GCDH: variants seen among roughly 807,000 people sequenced by gnomAD.
GCDH encodes the protein glutaryl-CoA dehydrogenase.
Under a neutral mutation model 52.8 loss-of-function variants are expected in GCDH, and 31 were observed. That is an observed-to-expected ratio of 0.59 (90% CI 0.44 to 0.79). The LOEUF (loss-of-function observed/expected upper bound fraction) is 0.79. Ranked by LOEUF, GCDH falls within the 30% of genes least tolerant of loss-of-function variation. GCDH has a pLI of 0.00. For synonymous variants in GCDH, 242 were observed against 250.0 expected (o/e 0.97, Z 0.30); for missense variants, 509 against 595.0 (o/e 0.86, Z 1.50).
In GCDH at chr19:12,891,832, C is replaced by T. The variant is rs144678094; in HGVS notation, c.129C>T (p.Ser43=). The T allele has an allele frequency of 7.4e-6, 12 of 1,613,978 alleles. No individual in the cohort carries two copies. The highest frequency in any genetic ancestry group is 1.7e-4 in the Middle Eastern group (1 of 5,930). ...ACCGAGGCGAATTCCCCTTCCCAGC[C>T]TCGCGTCCCGAGTTTGACTGGCAGG... The part of the protein sequence containing the change: ...GGRTQSQLAK[S]SRPEFDWQDP... Residue 43 remains serine, a splice_region_variant and synonymous_variant, in exon 4 of 12, where the codon TCC becomes TCT. Coordinates refer to ENST00000222214, the MANE Select transcript of GCDH (RefSeq NM_000159.4).
rs967065858 is a variant in GCDH at position 12,899,667 on chromosome 19, T to C, written c.*126T>C. 1 of 1,612,180 alleles carries C rather than the reference T, an allele frequency of 6.2e-7. No individual in the cohort carries two copies. The highest frequency in any genetic ancestry group is 8.5e-7 in the Non-Finnish European group (1 of 1,179,078). ...GGATGGAGTGGGAAGTGAGAGACAC[T>C]GATTTTTAAATATCAAAATTTCCCT... is the stretch of plus-strand genomic sequence containing the variant. On this transcript the variant is annotated 3_prime_UTR_variant, in exon 12 of 12. Coordinates refer to ENST00000222214, the MANE Select transcript of GCDH (RefSeq NM_000159.4).
At position 12,899,510 on chromosome 19, in the gene GCDH, C is replaced by T. The variant is rs745360675; in HGVS notation, c.1286C>T (p.Thr429Met). 4.3e-6 allele frequency: 7 copies of T among 1,614,158 alleles called. No individual in the cohort carries two copies. Among genetic ancestry groups the T allele is most frequent in the South Asian group, 2.2e-5 (2 of 91,082 alleles). Residue 429 changes from threonine to methionine, a missense_variant, in exon 12 of 12, where the codon ACG (threonine) becomes ATG (methionine). By Grantham distance (81) the Thr-to-Met change is moderately conservative. Coordinates refer to ENST00000222214, the MANE Select transcript of GCDH (RefSeq NM_000159.4). ...IHALILGRAI[T>M]GIQAFTASK ...GCCCTGATCCTTGGGAGAGCTATCA[C>T]GGGAATCCAGGCGTTCACGGCCAGC...
chr19:12,893,080 T>A (rs138113841), intron 5 of GCDH, among the ~76,000 whole-genome samples: 2,996 of 151,834 alleles, frequency 0.02, 45 homozygotes, highest in Middle Eastern at 0.065. Flanking sequence ...AGAAATGGGA[T>A]TTCACCATGT....
Position 12,892,150 on chromosome 19 carries a change from G to T in GCDH, c.306G>T (p.Glu102Asp). 7 of 1,614,200 alleles carry T rather than the reference G, an allele frequency of 4.3e-6. No homozygotes were observed. Among genetic ancestry groups the T allele is most frequent in the Non-Finnish European group, 5.9e-6 (7 of 1,180,026 alleles). Residue 102 changes from glutamate to aspartate, a missense_variant, in exon 5 of 12, where the codon GAG (glutamate) becomes GAT (aspartate). By Grantham distance (45) the Glu-to-Asp change is conservative. Transcript: ENST00000222214. ...GGGAGATCATTTCGGAGATGGGGGAGTTGGGTGTGCTGGGCCCCACCATCA... is the reference window on the plus strand; with the variant it reads ...GGGAGATCATTTCGGAGATGGGGGATTTGGGTGTGCTGGGCCCCACCATCA... The part of the protein sequence containing the change: ...FHREIISEMG[E>D]LGVLGPTIKG...
Position 12,896,140 on chromosome 19 carries a change from G to T in GCDH, c.635+19G>T. On this transcript the variant is annotated intron_variant, in intron 7 of 11. Coordinates refer to ENST00000222214, the MANE Select transcript of GCDH (RefSeq NM_000159.4). The surrounding 1 kb of genome is among the most constrained non-coding windows in gnomAD (Gnocchi z 5.5). Reference sequence around the variant, plus strand: ...AGACCTGGTAAGGGTTCTGGGTGGTGGGCAGGTGGTGAACAGGGGCAAAGG... The same window carrying T: ...AGACCTGGTAAGGGTTCTGGGTGGTTGGCAGGTGGTGAACAGGGGCAAAGG... 6.2e-7 allele frequency: 1 copy of T among 1,614,122 alleles called. No homozygotes were observed. Among genetic ancestry groups the T allele is most frequent in the Non-Finnish European group, 8.5e-7 (1 of 1,180,028 alleles).
rs1242027845 is a variant in GCDH at position 12,899,652 on chromosome 19, G to A, written c.*111G>A. 6.2e-7 allele frequency: 1 copy of A among 1,612,430 alleles called. No homozygotes were observed. The highest frequency in any genetic ancestry group is 1.7e-5 in the Admixed American group (1 of 59,970). On this transcript the variant is annotated 3_prime_UTR_variant, in exon 12 of 12. Coordinates refer to ENST00000222214, the MANE Select transcript of GCDH (RefSeq NM_000159.4). ...AGAAAGGGAGGTGGCGGATGGAGTG[G>A]GAAGTGAGAGACACTGATTTTTAAA...
chr19:12,892,632 G>T (rs532541798), intron 5 of GCDH, among the ~76,000 whole-genome samples: 1 of 151,946 alleles, frequency 6.6e-6, no homozygotes, highest in South Asian at 2.1e-4. Flanking sequence ...GTCCAGGCTG[G>T]AGTGCAGTGA....
chr19:12,899,514 A>T lies in GCDH; in HGVS notation c.1290A>T (p.Gly430=), dbSNP rs1050007480. The T allele has an allele frequency of 4.3e-6, 7 of 1,614,062 alleles. No homozygotes were observed. The African/African-American group carries it at 5.3e-5, about 12-fold the overall frequency. Residue 430 remains glycine, a synonymous_variant, in exon 12 of 12, where the codon GGA becomes GGT. Transcript: ENST00000222214. ...TGATCCTTGGGAGAGCTATCACGGG[A>T]ATCCAGGCGTTCACGGCCAGCAAGT... ...HALILGRAIT[G]IQAFTASK
At chr19:12,897,231 G>A (rs966157693) in intron 9 of GCDH, 72 bp from the exon 10 acceptor site, 3 of 1,588,768 alleles carry the variant, frequency 1.9e-6, no homozygotes, top group Admixed American at 3.4e-5. Context: ...TCCTGGAGCA[G>A]GGGGCCCCAG....
chr19:12,896,157 G>A lies in GCDH; in HGVS notation c.635+36G>A. The A allele has an allele frequency of 1.2e-6, 2 of 1,614,088 alleles. No individual in the cohort carries two copies. Among genetic ancestry groups the A allele is most frequent in the Non-Finnish European group, 1.7e-6 (2 of 1,180,002 alleles). ...TGGGTGGTGGGCAGGTGGTGAACAG[G>A]GGCAAAGGGGCACTGGTCAGACCCC... On this transcript the variant is annotated intron_variant, in intron 7 of 11. Coordinates refer to ENST00000222214, the MANE Select transcript of GCDH (RefSeq NM_000159.4). This position sits in a 1 kb window ranked among gnomAD's most constrained non-coding sequence, Gnocchi z 5.5.
intron 5 of GCDH, 87 bp downstream of exon 5, chr19:12,892,265 C>T (rs1358772245): frequency 3.6e-6 from 4 of 1,116,444 alleles, no homozygotes; most frequent in Non-Finnish European, 5.5e-6. Context: ...TTCTTCCTTC[C>T]TTCTCTTTCT....
At chr19:12,891,712 C>A in intron 3 of GCDH, 119 bp from the exon 4 acceptor site, 2 of 1,605,914 alleles carry the variant, frequency 1.2e-6, no homozygotes, top group South Asian at 1.1e-5. Context: ...ATCAGTCTCG[C>A]TTGCAGCTCG....
Position 12,896,887 on chromosome 19 carries a change from G to A in GCDH, c.853-23G>A. 6.4e-7 allele frequency: 1 copy of A among 1,572,742 alleles called. No individual in the cohort carries two copies. The highest frequency in any genetic ancestry group is 8.7e-7 in the Non-Finnish European group (1 of 1,143,418). On this transcript the variant is annotated intron_variant, in intron 8 of 11. Transcript: ENST00000222214. The surrounding 1 kb of genome is among the most constrained non-coding windows in gnomAD (Gnocchi z 5.5). ...CTCTTGGTGTCTCTTGGGTGGGCCT[G>A]AGGCGCCATCTCAACCCTACAGGGT...
At position 12,892,098 on chromosome 19, in the gene GCDH, G is replaced by A; in HGVS notation, c.272-18G>A. The A allele has an allele frequency of 6.2e-7, 1 of 1,614,076 alleles. No homozygotes were observed. Among genetic ancestry groups the A allele is most frequent in the South Asian group, 1.1e-5 (1 of 91,082 alleles). ...GGCCTAGGCCTGGGCCTGAATTTGG[G>A]CACTGGTCCCTTTGCAGTTTTTCAT... is the stretch of plus-strand genomic sequence containing the variant. On this transcript the variant is annotated intron_variant, in intron 4 of 11. Coordinates refer to ENST00000222214, the MANE Select transcript of GCDH (RefSeq NM_000159.4).
At chr19:12,897,193 G>C in intron 9 of GCDH, 110 bp from the exon 10 acceptor site, 1 of 1,417,250 alleles carries the variant, frequency 7.1e-7, no homozygotes, top group Non-Finnish European at 9.8e-7. Flanking sequence ...GGGCAAGCTT[G>C]GGGGCACTGA....
At chr19:12,892,022 A>G (rs765809287) in intron 4 of GCDH, 48 bp downstream of exon 4, 12 of 1,613,674 alleles carry the variant, frequency 7.4e-6, no homozygotes, top group Non-Finnish European at 1.0e-5. Flanking sequence ...GCCTGGAGCC[A>G]TAGCCACCCC....
rs794726972 is a variant in GCDH at position 12,897,343 on chromosome 19, C to T, written c.997C>T (p.Gln333Ter). The T allele has an allele frequency of 6.2e-7, 1 of 1,613,718 alleles. No homozygotes were observed. Among genetic ancestry groups the T allele is most frequent in the African/African-American group, 1.3e-5 (1 of 74,908 alleles). The change falls in exon 10 of 12, where the codon CAG (glutamine) becomes TAG (stop). Residue 333 changes from glutamine (Q) to a stop codon, truncating the protein, a stop_gained. Coordinates refer to ENST00000222214, the MANE Select transcript of GCDH (RefSeq NM_000159.4). LOFTEE classifies it high-confidence loss of function. ...GVPLARNQLI[Q>*]KKLADMLTEI... ...CCCACTGGCCAGGAACCAGCTGATT[C>T]AGAAGAAGCTGGCAGACATGCTCAC...
intron 9 of GCDH, 130 bp from the exon 10 acceptor site, chr19:12,897,173 G>A (rs1194695842): frequency 3.0e-6 from 4 of 1,316,146 alleles, no homozygotes; most frequent in East Asian, 2.5e-5. Context: ...CTGAGTCAAC[G>A]GCAGGGCCAG....
At chr19:12,894,640 T>C in intron 6 of GCDH, 2 of 748,478 alleles carry the variant, frequency 2.7e-6, no homozygotes, top group Non-Finnish European at 2.2e-6. Flanking sequence ...GTAAGAAACC[T>C]AGGACCAAAG....
Sources: gnomAD v4.1 joint callset for allele counts (sites outside exome capture counted in the v4.1 genomes callset) on GRCh38, gnomAD v4.1.1 for gene constraint, Gnocchi (gnomAD v3.1) non-coding constraint, MANE v1.5 for transcripts, NCBI Gene and HGNC (gene_info 2026-07-23, HGNC 2026-07-21) for gene names.